INSYN2B: variants seen among roughly 807,000 people sequenced by gnomAD.
INSYN2B encodes inhibitory synaptic factor family member 2B, also known as protein INSYN2B.
INSYN2B carries 16 observed loss-of-function variants against 41.2 expected under a neutral mutation model. The ratio of observed to expected loss-of-function variants is 0.39; its 90% CI spans 0.26 to 0.59. The LOEUF is 0.59. INSYN2B is among the 20% of genes least tolerant of loss of function. INSYN2B has a pLI of 0.57. For missense variants in INSYN2B, 608 were observed against 646.4 expected, an observed-to-expected ratio of 0.94 and a Z score of 0.64; for synonymous variants, 245 against 244.4, an observed-to-expected ratio of 1.00 and a Z score of -0.02.
chr5:169,874,875 T>C lies in INSYN2B; in HGVS notation c.1421+6493A>G, dbSNP rs1031065819. 1.0e-4 allele frequency among the ~76,000 whole-genome samples: 15 copies of C among 143,946 alleles called. No individual in the cohort carries two copies. The East Asian group carries it at 2.7e-3, about 26-fold the overall frequency. 94.4% of individuals were successfully genotyped at this position (143,946 alleles called of 152,430 possible). On this transcript the variant is annotated intron_variant, in intron 3 of 3. Coordinates refer to ENST00000377365, the MANE Select transcript of INSYN2B (RefSeq NM_001129891.3). ...AAAGGCCTGAGAGGGACTCCTTTTC[T>C]CTTCTCATTGGAAACAGGAGGCATC...
At chr5:169,887,585 A>G (rs1279984516) in intron 1 of INSYN2B, among the ~76,000 whole-genome samples, 1 of 152,242 alleles carries the variant, frequency 6.6e-6, no homozygotes, top group African/African-American at 2.4e-5. Flanking sequence ...GTAGGCTAAC[A>G]TGAATTTGTC....
chr5:169,864,526 C>A, intron 3 of INSYN2B, 67 bp from the exon 4 acceptor site: 1 of 1,214,262 alleles, frequency 8.2e-7, no homozygotes, highest in Non-Finnish European at 1.1e-6. Flanking sequence ...AAGCATCTCT[C>A]AGCCCCAACT....
intron 1 of INSYN2B, among the ~76,000 whole-genome samples, chr5:169,906,820 A>G (rs1407227523): frequency 1.3e-5 from 2 of 152,212 alleles, no homozygotes; most frequent in Non-Finnish European, 2.9e-5. Flanking sequence ...GAAAGTCTAT[A>G]GGGAAATTAG....
chr5:169,952,235 G>A (rs1212959098), intron 1 of INSYN2B, among the ~76,000 whole-genome samples: 1 of 152,118 alleles, frequency 6.6e-6, no homozygotes, highest in African/African-American at 2.4e-5. Context: ...TGCAGCACTG[G>A]GAAGAGACCT....
At chr5:169,965,591 C>A (rs919097491) in intron 1 of INSYN2B, among the ~76,000 whole-genome samples, 3 of 152,204 alleles carry the variant, frequency 2.0e-5, no homozygotes, top group Non-Finnish European at 2.9e-5. Flanking sequence ...GAGCGTTAAA[C>A]ATCCCAATGT....
intron 1 of INSYN2B, among the ~76,000 whole-genome samples, chr5:169,921,670 G>A (rs1225122927): frequency 6.6e-6 from 1 of 152,204 alleles, no homozygotes; most frequent in East Asian, 1.9e-4. Flanking sequence ...GAGCTGTGGA[G>A]AGGAGCACTT....
At chr5:169,959,296 G>A (rs1776987663) in intron 1 of INSYN2B, among the ~76,000 whole-genome samples, 1 of 151,976 alleles carries the variant, frequency 6.6e-6, no homozygotes, top group African/African-American at 2.4e-5. Flanking sequence ...GGGAGGCTGA[G>A]GCAGGAGAAT....
intron 1 of INSYN2B, among the ~76,000 whole-genome samples, chr5:169,891,621 A>C (rs553569656): frequency 2.3e-4 from 35 of 151,736 alleles, no homozygotes; most frequent in African/African-American, 8.2e-4. Flanking sequence ...CACGAAGACA[A>C]CCCCCCTCAT....
intron 1 of INSYN2B, among the ~76,000 whole-genome samples, chr5:169,902,184 C>A (rs1340739406): frequency 6.6e-6 from 1 of 152,162 alleles, no homozygotes; most frequent in African/African-American, 2.4e-5. Context: ...AGGGGAATAA[C>A]CAGTTAGTCT....
At chr5:169,899,029 T>C (rs1412697609) in intron 1 of INSYN2B, among the ~76,000 whole-genome samples, 1 of 152,164 alleles carries the variant, frequency 6.6e-6, no homozygotes, top group African/African-American at 2.4e-5. Context: ...GTGAATGGTG[T>C]TTGCTCTCTG....
At chr5:169,865,956 A>C (rs1025782824) in intron 3 of INSYN2B, among the ~76,000 whole-genome samples, 5 of 152,250 alleles carry the variant, frequency 3.3e-5, no homozygotes, top group African/African-American at 1.2e-4. Context: ...GTTGCCATGC[A>C]TGACGAATGG....
intron 1 of INSYN2B, among the ~76,000 whole-genome samples, chr5:169,919,368 T>C (rs1387705379): frequency 6.6e-6 from 1 of 152,136 alleles, no homozygotes; most frequent in East Asian, 1.9e-4. Flanking sequence ...CTTCCCTCCA[T>C]AGATGGAAAT....
intron 1 of INSYN2B, among the ~76,000 whole-genome samples, chr5:169,941,473 T>C (rs1043695247): frequency 2.6e-5 from 4 of 152,092 alleles, no homozygotes; most frequent in Admixed American, 6.5e-5. Flanking sequence ...TAGGCACAGG[T>C]TACTGCAGGT....
chr5:169,915,329 C>A (rs1774816352), intron 1 of INSYN2B, among the ~76,000 whole-genome samples: 1 of 152,064 alleles, frequency 6.6e-6, no homozygotes, highest in Non-Finnish European at 1.5e-5. Flanking sequence ...TCAAAATCAT[C>A]AGCAAAAGCA....
At chr5:169,881,649 GC>G (rs2113502253) in intron 2 of INSYN2B, among the ~76,000 whole-genome samples, 1 of 152,306 alleles carries the variant, frequency 6.6e-6, no homozygotes, top group East Asian at 1.9e-4. Context: ...GATTTCTCAA[GC>G]TGAGAGTTTT....
At chr5:169,939,230 C>CTCT (rs1190923713) in intron 1 of INSYN2B, among the ~76,000 whole-genome samples, 1 of 148,918 alleles carries the variant, frequency 6.7e-6, no homozygotes, top group East Asian at 2.1e-4. Flanking sequence ...ACTTTTTAAG[C>CTCT]TCTTTTGTTA....
chr5:169,866,913 T>C (rs941682205), intron 3 of INSYN2B, among the ~76,000 whole-genome samples: 2 of 152,220 alleles, frequency 1.3e-5, no homozygotes, highest in African/African-American at 4.8e-5. Flanking sequence ...GTTCCAGTAC[T>C]ATCTACCCAG....
chr5:169,882,483 C>T (rs1772712087), intron 2 of INSYN2B, 70 bp downstream of exon 2: 3 of 1,308,254 alleles, frequency 2.3e-6, no homozygotes, highest in South Asian at 3.1e-5. Flanking sequence ...GAAACCAAAG[C>T]TGTCTCTGCC....
intron 1 of INSYN2B, among the ~76,000 whole-genome samples, chr5:169,947,712 C>T (rs989783434): frequency 6.6e-6 from 1 of 152,152 alleles, no homozygotes; most frequent in Non-Finnish European, 1.5e-5. Flanking sequence ...AAGGGAATGG[C>T]GGGCTGTCAG....
Sources: gnomAD v4.1 joint callset for allele counts (sites outside exome capture counted in the v4.1 genomes callset) on GRCh38, gnomAD v4.1.1 for gene constraint, MANE v1.5 for transcripts, NCBI Gene and HGNC (gene_info 2026-07-23, HGNC 2026-07-21) for gene names.